MRAP2: variants seen among roughly 807,000 people sequenced by gnomAD.
MRAP2 encodes melanocortin-2 receptor accessory protein 2.
A neutral mutation model predicts 17.4 loss-of-function variants in MRAP2; 20 were observed. That is an observed-to-expected ratio of 1.15 (90% CI 0.81 to 1.67). MRAP2 has a LOEUF of 1.67. MRAP2 is among the 40% of genes most tolerant of loss of function. The probability of loss-of-function intolerance (pLI) is 0.00; values close to 1 mark genes in which losing one functional copy is unlikely to be tolerated. For missense variants in MRAP2, 238 were observed against 240.0 expected (o/e 0.99, Z 0.05); for synonymous variants, 96 against 88.4 (o/e 1.09, Z -0.48).
chr6:84,110,339 A>G, the MRAP2 span, among the ~76,000 whole-genome samples: 2 of 152,248 alleles, frequency 1.3e-5, no homozygotes, highest in African/African-American at 2.4e-5. Context: ...TCTAATGACC[A>G]GTGATGATTA....
At chr6:84,086,798 A>G (rs1012913396) in intron 3 of MRAP2, among the ~76,000 whole-genome samples, 1 of 152,156 alleles carries the variant, frequency 6.6e-6, no homozygotes, top group Non-Finnish European at 1.5e-5. Context: ...GGGAGGGACA[A>G]AATTCTCTTG....
the MRAP2 span, among the ~76,000 whole-genome samples, chr6:84,117,495 CT>C: frequency 1.7e-4 from 25 of 146,408 alleles, no homozygotes; most frequent in Admixed American, 3.4e-4. Context: ...TGGTCCTGGG[CT>C]TTTTTTTTTG....
intron 3 of MRAP2, among the ~76,000 whole-genome samples, chr6:84,082,316 C>T (rs1256883742): frequency 6.6e-6 from 1 of 152,076 alleles, no homozygotes; most frequent in African/African-American, 2.4e-5. Flanking sequence ...ATAACTTTTT[C>T]TCTCTCGTAT....
At chr6:84,064,638 C>T (rs1037863597) in intron 3 of MRAP2, among the ~76,000 whole-genome samples, 39 of 152,296 alleles carry the variant, frequency 2.6e-4, no homozygotes, top group Admixed American at 1.4e-3. Flanking sequence ...CAGGCACCCA[C>T]CACCACGCCC....
chr6:84,083,555 C>A (rs1176159434), intron 3 of MRAP2, among the ~76,000 whole-genome samples: 3 of 152,030 alleles, frequency 2.0e-5, no homozygotes, highest in Non-Finnish European at 2.9e-5. Flanking sequence ...ATTTTATCAC[C>A]TTAAAACATC....
intron 3 of MRAP2, among the ~76,000 whole-genome samples, chr6:84,067,013 G>A (rs976528328): frequency 1.3e-5 from 2 of 152,100 alleles, no homozygotes; most frequent in Admixed American, 1.3e-4. Flanking sequence ...CACCATGTTT[G>A]TAGTCCTTTC....
At chr6:84,129,765 T>C in the MRAP2 span, among the ~76,000 whole-genome samples, 5 of 152,042 alleles carry the variant, frequency 3.3e-5, no homozygotes, top group Non-Finnish European at 7.4e-5. Flanking sequence ...TGGACTGAGA[T>C]GATGGGGTTT....
At chr6:84,058,335 C>G (rs2099492202) in intron 2 of MRAP2, among the ~76,000 whole-genome samples, 2 of 152,144 alleles carry the variant, frequency 1.3e-5, no homozygotes, top group African/African-American at 4.8e-5. Context: ...AAAGATGGAT[C>G]TGGCAAGATT....
intron 3 of MRAP2, among the ~76,000 whole-genome samples, chr6:84,064,066 G>A (rs557438865): frequency 1.3e-5 from 2 of 150,984 alleles, no homozygotes; most frequent in Non-Finnish European, 2.9e-5. Flanking sequence ...AAGAAAAAAA[G>A]TTTTTGATAA....
At chr6:84,074,517 G>T (rs1389677922) in intron 3 of MRAP2, among the ~76,000 whole-genome samples, 2 of 152,196 alleles carry the variant, frequency 1.3e-5, no homozygotes, top group Admixed American at 1.3e-4. Flanking sequence ...TCTCAGGCCA[G>T]GGCCAAATGG....
the MRAP2 span, among the ~76,000 whole-genome samples, chr6:84,117,534 A>G: frequency 6.6e-6 from 1 of 151,504 alleles, no homozygotes; most frequent in African/African-American, 2.4e-5. Flanking sequence ...TACTACCTCA[A>G]TTTCAAAATG....
intron 2 of MRAP2, among the ~76,000 whole-genome samples, chr6:84,060,749 G>A (rs1399726028): frequency 6.6e-6 from 1 of 150,990 alleles, no homozygotes; most frequent in Non-Finnish European, 1.5e-5. Context: ...GCTGTGGCGC[G>A]ATCTTGGCTC....
the MRAP2 span, chr6:84,124,288 T>C: frequency 6.6e-6 from 1 of 152,074 alleles, no homozygotes; most frequent in Non-Finnish European, 1.5e-5. Context: ...ATATTTACAA[T>C]AGCAAATTCA....
chr6:84,038,887 T>A (rs763078909), intron 1 of MRAP2, among the ~76,000 whole-genome samples: 29 of 152,220 alleles, frequency 1.9e-4, no homozygotes, highest in Non-Finnish European at 4.0e-4. Context: ...ATCCCTTGAG[T>A]GTATTTTGAG....
In MRAP2 at chr6:84,089,124, G is replaced by T. The variant is rs774617391; in HGVS notation, c.261G>T (p.Met87Ile). The T allele has an allele frequency of 1.2e-6, 2 of 1,613,796 alleles. No individual in the cohort carries two copies. The highest frequency in any genetic ancestry group is 2.7e-5 in the African/African-American group (2 of 74,884). ...NAESSEKRFR[M>I]NSFVSDFGRP... ...AGTCCTCAGAGAAGAGATTCAGAAT[G>T]AACAGCTTTGTGTCAGACTTTGGAA... The change falls in exon 4 of 4, where the codon ATG (methionine) becomes ATT (isoleucine). Residue 87 changes from methionine (M) to isoleucine (I), a missense_variant. Met to Ile is a conservative substitution (Grantham distance 10). Transcript: ENST00000257776.
the MRAP2 span, among the ~76,000 whole-genome samples, chr6:84,127,836 T>C: frequency 1.3e-5 from 2 of 152,136 alleles, no homozygotes; most frequent in African/African-American, 2.4e-5. Context: ...GGCCAATGAC[T>C]AGTGAGATAA....
At chr6:84,128,539 C>T in the MRAP2 span, among the ~76,000 whole-genome samples, 1 of 152,018 alleles carries the variant, frequency 6.6e-6, no homozygotes, top group Non-Finnish European at 1.5e-5. Flanking sequence ...ATATGGTGGT[C>T]GGTAAGCCAC....
chr6:84,138,180 C>CT, the MRAP2 span, among the ~76,000 whole-genome samples: 550 of 152,274 alleles, frequency 3.6e-3, 3 homozygotes, highest in Admixed American at 5.9e-3. Flanking sequence ...AGTGTACTTT[C>CT]ACTTGTGGTC....
the MRAP2 span, among the ~76,000 whole-genome samples, chr6:84,112,064 C>A: frequency 6.6e-6 from 1 of 151,996 alleles, no homozygotes; most frequent in African/African-American, 2.4e-5. Flanking sequence ...CTGAAATTTT[C>A]TTTTTTTGCT....
Sources: gnomAD v4.1 joint callset for allele counts (sites outside exome capture counted in the v4.1 genomes callset) on GRCh38, gnomAD v4.1.1 for gene constraint, MANE v1.5 for transcripts, NCBI Gene and HGNC (gene_info 2026-07-23, HGNC 2026-07-21) for gene names.